The following ZNF560 variants were observed in gnomAD, a reference collection of about 807,000 sequenced individuals.
The protein encoded by ZNF560 is zinc finger protein 560.
ZNF560 carries 54 observed loss-of-function variants against 81.8 expected under a neutral mutation model. The ratio of observed to expected loss-of-function variants is 0.66; its 90% CI spans 0.53 to 0.83. The LOEUF (loss-of-function observed/expected upper bound fraction) is 0.83. Ranked by LOEUF, ZNF560 falls within the 40% of genes least tolerant of loss-of-function variation. The pLI is 0.00. For missense variants in ZNF560, 940 were observed against 932.4 expected, an observed-to-expected ratio of 1.01 and a Z score of -0.11; for synonymous variants, 321 against 317.9, an observed-to-expected ratio of 1.01 and a Z score of -0.10.
At chr19:9,470,109 C>T (rs1206620128) in intron 7 of ZNF560, among the ~76,000 whole-genome samples, 1 of 152,128 alleles carries the variant, frequency 6.6e-6, no homozygotes, top group Non-Finnish European at 1.5e-5. Context: ...GAATACAGGG[C>T]CCCAACAGCA....
At chr19:9,448,803 A>G in the ZNF560 span, among the ~76,000 whole-genome samples, 1 of 152,172 alleles carries the variant, frequency 6.6e-6, no homozygotes, top group Non-Finnish European at 1.5e-5. Flanking sequence ...TATCTCACAC[A>G]TATGAGACAC....
rs143431103 is a variant in ZNF560 at position 9,467,095 on chromosome 19, G to A, written c.1852C>T (p.His618Tyr). The change falls in exon 10 of 10, where the codon CAT (histidine) becomes TAT (tyrosine). Residue 618 changes from histidine to tyrosine, a missense_variant. Transcript: ENST00000301480. ...AFTERSDLTK[H>Y]LRRHTGDKPY... ...TTATCTCCAGTGTGTCTTCGTAAATGTTTAGTAAGATCTGAGCGTTCTGTG... is the reference window on the plus strand; with the variant it reads ...TTATCTCCAGTGTGTCTTCGTAAATATTTAGTAAGATCTGAGCGTTCTGTG... The A allele has an allele frequency of 2.5e-6, 4 of 1,613,836 alleles. No homozygotes were observed. The African/African-American group carries it at 4.0e-5, about 16-fold the overall frequency.
intron 2 of ZNF560, among the ~76,000 whole-genome samples, chr19:9,496,036 A>G (rs774889242): frequency 2.0e-5 from 3 of 152,236 alleles, no homozygotes; most frequent in Admixed American, 1.3e-4. Flanking sequence ...AATTAAATGT[A>G]TATTTGTCCT....
chr19:9,476,000 A>T (rs10423559), intron 2 of ZNF560, among the ~76,000 whole-genome samples: 22,887 of 152,146 alleles, frequency 0.15, 2,579 homozygotes, highest in African/African-American at 0.31. Flanking sequence ...CTTCTCAAAG[A>T]ACACACTTAA....
At chr19:9,463,486 A>G (rs1348460632), downstream of ZNF560, among the ~76,000 whole-genome samples, 1 of 152,182 alleles carries the variant, frequency 6.6e-6, no homozygotes, top group Non-Finnish European at 1.5e-5. Context: ...GATGGCATCT[A>G]AGGACAGTCT....
chr19:9,498,593 C>G lies in ZNF560; in HGVS notation c.-200G>C, dbSNP rs1017080575. 1 of 152,278 alleles carries G rather than the reference C, an allele frequency of 6.6e-6. No homozygotes were observed. Among genetic ancestry groups the G allele is most frequent in the Admixed American group, 6.5e-5 (1 of 15,274 alleles). The allele number at this position is 152,278 out of a possible 1,614,324, so 9.4% of individuals were successfully genotyped here. A position where few individuals can be genotyped will look rare whatever the true frequency, so the allele number is the denominator to read the frequency against. ...GAAAAAGTGGCTCTGAGGAAACAGG[C>G]GCCAGCGACCAAAAGAGAGAACTGG... On this transcript the variant is annotated 5_prime_UTR_variant, in exon 1 of 10. Transcript: ENST00000301480.
At chr19:9,459,239 T>A in the ZNF560 span, among the ~76,000 whole-genome samples, 1 of 152,146 alleles carries the variant, frequency 6.6e-6, no homozygotes, top group Non-Finnish European at 1.5e-5. Flanking sequence ...TGCAACTAAA[T>A]CTAGCATTAT....
chr19:9,451,891 A>G, the ZNF560 span, among the ~76,000 whole-genome samples: 5 of 152,282 alleles, frequency 3.3e-5, no homozygotes, highest in East Asian at 9.7e-4. Flanking sequence ...CCTGGCCAGC[A>G]TGGTGAAACC....
At chr19:9,493,230 A>G (rs901410386) in intron 2 of ZNF560, among the ~76,000 whole-genome samples, 5 of 124,882 alleles carry the variant, frequency 4.0e-5, no homozygotes, top group Non-Finnish European at 1.7e-5. Flanking sequence ...CATCAGGTAC[A>G]GAGCCCAGAG....
chr19:9,457,507 G>T, the ZNF560 span, among the ~76,000 whole-genome samples: 1 of 152,214 alleles, frequency 6.6e-6, no homozygotes, highest in South Asian at 2.1e-4. Flanking sequence ...ACTCATAAAA[G>T]ATTTTCACAG....
intron 2 of ZNF560, among the ~76,000 whole-genome samples, chr19:9,497,168 T>A (rs2073573076): frequency 6.6e-6 from 1 of 151,924 alleles, no homozygotes; most frequent in East Asian, 1.9e-4. Context: ...TCCAAAAACA[T>A]TCCGTTATAT....
intron 2 of ZNF560, among the ~76,000 whole-genome samples, chr19:9,490,065 C>T (rs1249225764): frequency 1.3e-5 from 2 of 152,132 alleles, no homozygotes; most frequent in Non-Finnish European, 1.5e-5. Context: ...GTAAGAGCTT[C>T]CCTGGCTAAT....
intron 2 of ZNF560, among the ~76,000 whole-genome samples, chr19:9,496,063 T>C (rs776446715): frequency 1.3e-5 from 2 of 152,204 alleles, no homozygotes; most frequent in Non-Finnish European, 2.9e-5. Context: ...TAAAGTCCAA[T>C]ATTAAAGGTT....
intron 2 of ZNF560, 50 bp from the exon 3 acceptor site, chr19:9,475,419 AT>A (rs2073185270): frequency 9.5e-7 from 1 of 1,050,076 alleles, no homozygotes; most frequent in African/African-American, 1.6e-5. Flanking sequence ...CAGTTCCAAC[AT>A]TCGCATGCAT....
At chr19:9,491,123 G>GT (rs1020610082) in intron 2 of ZNF560, among the ~76,000 whole-genome samples, 6 of 152,064 alleles carry the variant, frequency 3.9e-5, no homozygotes, top group Admixed American at 2.0e-4. Context: ...GTTTTGTTTT[G>GT]TTTTTTTGAG....
rs1164618006 is a variant in ZNF560 at position 9,498,591 on chromosome 19, G to A, written c.-198C>T. ...AGGAAAAAGTGGCTCTGAGGAAACAGGCGCCAGCGACCAAAAGAGAGAACT... is the reference window on the plus strand; with the variant it reads ...AGGAAAAAGTGGCTCTGAGGAAACAAGCGCCAGCGACCAAAAGAGAGAACT... On this transcript the variant is annotated 5_prime_UTR_variant, in exon 1 of 10. Coordinates refer to ENST00000301480, the MANE Select transcript of ZNF560 (RefSeq NM_152476.3). 1.3e-5 allele frequency: 2 copies of A among 152,286 alleles called. No individual in the cohort carries two copies. Among genetic ancestry groups the A allele is most frequent in the Admixed American group, 6.5e-5 (1 of 15,278 alleles). The allele number at this position is 152,286 out of a possible 1,614,324, so 9.4% of individuals were successfully genotyped here.
chr19:9,502,272 C>T (rs569387327), upstream of ZNF560, among the ~76,000 whole-genome samples: 5 of 152,112 alleles, frequency 3.3e-5, no homozygotes, highest in East Asian at 1.9e-4. Context: ...AGTGTAGTGG[C>T]GCAATGTCGG....
At chr19:9,463,671 CTCAAT>C (rs1221548791), downstream of ZNF560, among the ~76,000 whole-genome samples, 2 of 152,064 alleles carry the variant, frequency 1.3e-5, no homozygotes, top group Non-Finnish European at 2.9e-5. Flanking sequence ...ATGCATGGAC[CTCAAT>C]TCAGTTTTTT....
the ZNF560 span, among the ~76,000 whole-genome samples, chr19:9,456,163 A>T: frequency 6.6e-6 from 1 of 152,112 alleles, no homozygotes; most frequent in African/African-American, 2.4e-5. Context: ...GTCCCCCGCC[A>T]CAGCTGGTAG....
Sources: allele counts gnomAD v4.1 joint callset (sites outside exome capture counted in the v4.1 genomes callset), GRCh38; gene constraint gnomAD v4.1.1; transcripts MANE v1.5; gene names NCBI Gene and HGNC (gene_info 2026-07-23, HGNC 2026-07-21).